NFATC3: variants seen among roughly 807,000 people sequenced by gnomAD.
NFATC3 encodes nuclear factor of activated T-cells, cytoplasmic 3.
Under a neutral mutation model 98.6 loss-of-function variants are expected in NFATC3, and 46 were observed. The ratio of observed to expected loss-of-function variants is 0.47; its 90% CI spans 0.37 to 0.60. NFATC3 has a LOEUF of 0.60. Ranked by LOEUF, NFATC3 falls within the 20% of genes least tolerant of loss-of-function variation. NFATC3 has a pLI of 0.00. For missense variants in NFATC3, 1,256 were observed against 1,295.5 expected (o/e 0.97, Z 0.47); for synonymous variants, 512 against 472.2 (o/e 1.08, Z -1.09).
intron 1 of NFATC3, among the ~76,000 whole-genome samples, chr16:68,105,395 A>AT (rs1298323891): frequency 2.6e-5 from 4 of 151,424 alleles, no homozygotes; most frequent in Non-Finnish European, 5.9e-5. Context: ...GATTGTGTGG[A>AT]TTTTTTTTCT....
chr16:68,199,769 G>T (rs2040836783), intron 9 of NFATC3: 1 of 151,142 alleles, frequency 6.6e-6, no homozygotes, highest in African/African-American at 2.4e-5. Context: ...TGTATTTTTA[G>T]TAGAGACAGG....
At chr16:68,216,516 C>A (rs1162397548) in intron 9 of NFATC3, among the ~76,000 whole-genome samples, 1 of 152,068 alleles carries the variant, frequency 6.6e-6, no homozygotes, top group Non-Finnish European at 1.5e-5. Flanking sequence ...TATAGCATCA[C>A]ACATAGAAGA....
At chr16:68,201,595 T>C (rs183285714) in intron 9 of NFATC3, among the ~76,000 whole-genome samples, 1 of 151,752 alleles carries the variant, frequency 6.6e-6, no homozygotes, top group Non-Finnish European at 1.5e-5. Context: ...AACATTTTAA[T>C]TAAGATTTGA....
Position 68,228,835 on chromosome 16 carries a change from CCTT to C in NFATC3, c.*2367_*2369del, listed in dbSNP as rs755228726. On this transcript the variant is annotated 3_prime_UTR_variant, in exon 10 of 10. Coordinates refer to ENST00000346183, the MANE Select transcript of NFATC3 (RefSeq NM_173165.3). ...TTGGGTTGAGGAATGGAATGGGTAGCCTTCTGCTTACTGGAGATGCACAGAGAA... is the reference window on the plus strand; with the variant it reads ...TTGGGTTGAGGAATGGAATGGGTAGCCTGCTTACTGGAGATGCACAGAGAA... 9 of 152,312 alleles carry C rather than the reference CCTT, an allele frequency of 5.9e-5. No homozygotes were observed. Among genetic ancestry groups the C allele is most frequent in the Admixed American group, 2.0e-4 (3 of 15,282 alleles). The allele number at this position is 152,312 out of a possible 1,614,324, so 9.4% of individuals were successfully genotyped here. A position where few individuals can be genotyped will look rare whatever the true frequency, so the allele number is the denominator to read the frequency against.
At chr16:68,163,394 G>A (rs1448419159) in intron 4 of NFATC3, among the ~76,000 whole-genome samples, 2 of 151,456 alleles carry the variant, frequency 1.3e-5, no homozygotes, top group Non-Finnish European at 3.0e-5. Context: ...CTCCCGGACG[G>A]GGCGGCTGGC....
intron 9 of NFATC3, among the ~76,000 whole-genome samples, chr16:68,211,419 C>G (rs573451683): frequency 6.6e-6 from 1 of 152,002 alleles, no homozygotes; most frequent in East Asian, 1.9e-4. Flanking sequence ...ATCTCCTGAC[C>G]TTGTGATCCT....
chr16:68,227,710 T>C lies in NFATC3; in HGVS notation c.*1239T>C, dbSNP rs2042063538. The C allele has an allele frequency of 6.6e-6, 1 of 152,016 alleles. No homozygotes were observed. Among genetic ancestry groups the C allele is most frequent in the African/African-American group, 2.4e-5 (1 of 41,364 alleles). The allele number at this position is 152,016 out of a possible 1,614,324, so 9.4% of individuals were successfully genotyped here. ...CTCCACACCAAAGACACCCTGGTGC[T>C]GCTGCTGGTGAGACTGGTGTCCAAG... is the stretch of plus-strand genomic sequence containing the variant. On this transcript the variant is annotated 3_prime_UTR_variant, in exon 10 of 10. Transcript: ENST00000346183.
intron 3 of NFATC3, among the ~76,000 whole-genome samples, chr16:68,131,542 T>C (rs2037113956): frequency 6.6e-6 from 1 of 151,990 alleles, no homozygotes; most frequent in Non-Finnish European, 1.5e-5. Context: ...CCTCCCAGAG[T>C]GCTGGGATTA....
chr16:68,192,092 C>T, intron 9 of NFATC3: 1 of 206,420 alleles, frequency 4.8e-6, no homozygotes, highest in Admixed American at 5.5e-5. Context: ...ACTATAATCC[C>T]AGCTACTCGG....
chr16:68,104,265 CTGAG>C (rs2035524301), intron 1 of NFATC3, among the ~76,000 whole-genome samples: 1 of 151,906 alleles, frequency 6.6e-6, no homozygotes, highest in South Asian at 2.1e-4. Flanking sequence ...AAATTTATTC[CTGAG>C]TATTATTTCT....
At chr16:68,170,247 T>C (rs976039088) in intron 5 of NFATC3, among the ~76,000 whole-genome samples, 4 of 151,314 alleles carry the variant, frequency 2.6e-5, no homozygotes, top group African/African-American at 9.7e-5. Context: ...AAAAATTAGA[T>C]GGGCGTGGTG....
intron 4 of NFATC3, among the ~76,000 whole-genome samples, chr16:68,160,260 T>C (rs2038829794): frequency 6.6e-6 from 1 of 152,046 alleles, no homozygotes; most frequent in African/African-American, 2.4e-5. Flanking sequence ...GGTCAGGAGT[T>C]CGAGACCAGC....
chr16:68,177,157 C>T (rs1451564228), intron 6 of NFATC3, among the ~76,000 whole-genome samples: 1 of 151,582 alleles, frequency 6.6e-6, no homozygotes, highest in Non-Finnish European at 1.5e-5. Context: ...AAGTGATTCT[C>T]CTGCCTCAGT....
chr16:68,162,626 T>C (rs1203391645), intron 4 of NFATC3, among the ~76,000 whole-genome samples: 1 of 151,824 alleles, frequency 6.6e-6, no homozygotes, highest in East Asian at 1.9e-4. Flanking sequence ...ATTGGCTTTA[T>C]TGGTGATTCT....
intron 1 of NFATC3, among the ~76,000 whole-genome samples, chr16:68,106,905 C>G (rs531894192): frequency 1.3e-5 from 2 of 152,154 alleles, no homozygotes; most frequent in African/African-American, 4.8e-5. Flanking sequence ...TGATGCTCTC[C>G]CTCTCTCGTG....
intron 1 of NFATC3, among the ~76,000 whole-genome samples, chr16:68,109,468 C>A (rs927754471): frequency 6.6e-6 from 1 of 152,084 alleles, no homozygotes; most frequent in Non-Finnish European, 1.5e-5. Flanking sequence ...CTGCTGGATT[C>A]GGTTTACCAG....
At chr16:68,183,811 C>G (rs4448929) in intron 8 of NFATC3, among the ~76,000 whole-genome samples, 2 of 151,942 alleles carry the variant, frequency 1.3e-5, no homozygotes, top group Non-Finnish European at 2.9e-5. Context: ...TGAGACCAGC[C>G]TGACCAACAT....
intron 9 of NFATC3, among the ~76,000 whole-genome samples, chr16:68,194,472 G>A (rs548750482): frequency 6.6e-6 from 1 of 152,308 alleles, no homozygotes; most frequent in South Asian, 2.1e-4. Flanking sequence ...AAACCAAAAG[G>A]TAGAGAGCAG....
chr16:68,128,225 A>C (rs2036941033), intron 3 of NFATC3, among the ~76,000 whole-genome samples: 1 of 152,194 alleles, frequency 6.6e-6, no homozygotes, highest in South Asian at 2.1e-4. Flanking sequence ...TAAAATCTAC[A>C]AATTATCATC....
Sources: allele counts gnomAD v4.1 joint callset (sites outside exome capture counted in the v4.1 genomes callset), GRCh38; gene constraint gnomAD v4.1.1; transcripts MANE v1.5; gene names NCBI Gene and HGNC (gene_info 2026-07-23, HGNC 2026-07-21).